Variants in MCPH1 observed in about 807,000 individuals in gnomAD.
MCPH1 encodes the protein microcephalin 1, also known as microcephalin.
In MCPH1, 104 loss-of-function variants were observed where a neutral mutation model predicts 84.5. The observed-to-expected ratio is 1.23, with a 90% CI of 1.05 to 1.45. The LOEUF is 1.45. Among genes scored for constraint, MCPH1 ranks in the 40% most tolerant of loss-of-function variants. The pLI, the probability that MCPH1 is intolerant of heterozygous loss-of-function variation, is 0.00. For synonymous variants in MCPH1, 514 were observed against 366.8 expected (o/e 1.40, Z -4.58); for missense variants, 1,498 against 1,005.7 (o/e 1.49, Z -6.62).
intron 12 of MCPH1, among the ~76,000 whole-genome samples, chr8:6,535,135 T>G (rs1352292397): frequency 6.6e-6 from 1 of 152,348 alleles, no homozygotes; most frequent in African/African-American, 2.4e-5. Flanking sequence ...AACCTCCTTC[T>G]TGATTTCAGT....
intron 3 of MCPH1, among the ~76,000 whole-genome samples, chr8:6,429,109 G>T (rs561435353): frequency 4.6e-5 from 7 of 152,308 alleles, no homozygotes; most frequent in African/African-American, 1.7e-4. Flanking sequence ...CAGTGTACAT[G>T]ATACATTTTG....
intron 12 of MCPH1, among the ~76,000 whole-genome samples, chr8:6,527,084 A>C (rs181601128): frequency 2.6e-5 from 4 of 152,340 alleles, no homozygotes; most frequent in Non-Finnish European, 5.9e-5. Flanking sequence ...CCCAAGGGCA[A>C]AGGATCTTGG....
chr8:6,580,754 A>G (rs1265486924), intron 12 of MCPH1, among the ~76,000 whole-genome samples: 1 of 152,208 alleles, frequency 6.6e-6, no homozygotes, highest in Non-Finnish European at 1.5e-5. Context: ...CAGGAGGCAG[A>G]AAGACTTCCC....
chr8:6,494,737 G>A (rs1439695852), intron 11 of MCPH1, among the ~76,000 whole-genome samples: 1 of 152,196 alleles, frequency 6.6e-6, no homozygotes, highest in Admixed American at 6.5e-5. Flanking sequence ...TACCAGGGAT[G>A]GAGGGGAGAG....
chr8:6,596,700 C>G (rs7844446), intron 12 of MCPH1, among the ~76,000 whole-genome samples: 1 of 152,086 alleles, frequency 6.6e-6, no homozygotes. Context: ...TTGCCGGAGA[C>G]CAGCACAGAT....
intron 12 of MCPH1, chr8:6,562,625 G>A (rs1300630295): frequency 1.6e-6 from 2 of 1,284,666 alleles, no homozygotes; most frequent in African/African-American, 3.4e-5. Context: ...TGTTCACAAA[G>A]ACAGATGGAT....
chr8:6,490,607 C>T lies in MCPH1; in HGVS notation c.2137-9245C>T, dbSNP rs145048803. Among the ~76,000 whole-genome samples, 363 of 152,158 alleles carry T rather than the reference C, an allele frequency of 2.4e-3. 4 individuals carry two copies. The highest frequency in any genetic ancestry group is 8.2e-3 in the African/African-American group (341 of 41,512). ...GTACTTTTTTCAAAGCTATATTTGA[C>T]GACATTGTACATTTTGCTACCTGAT... On this transcript the variant is annotated intron_variant, in intron 11 of 13. Coordinates refer to ENST00000344683, the MANE Select transcript of MCPH1 (RefSeq NM_024596.5).
intron 12 of MCPH1, among the ~76,000 whole-genome samples, chr8:6,540,843 GCACACGTGGACT>G (rs1821421164): frequency 6.6e-6 from 1 of 152,196 alleles, no homozygotes; most frequent in Non-Finnish European, 1.5e-5. Context: ...AGGGTGGTTC[GCACACGTGGACT>G]CAGGCGGCCA....
chr8:6,455,431 CAA>C (rs752304947), intron 9 of MCPH1, among the ~76,000 whole-genome samples, 179 bp downstream of exon 9: 8 of 152,264 alleles, frequency 5.3e-5, no homozygotes, highest in Non-Finnish European at 1.0e-4. Flanking sequence ...GCATTCCAGA[CAA>C]AGAGTTATTA....
chr8:6,532,237 T>C, intron 12 of MCPH1: 1 of 1,414,312 alleles, frequency 7.1e-7, no homozygotes, highest in Non-Finnish European at 9.8e-7. Flanking sequence ...GTGCTTTCTT[T>C]AGTTTCTCAT....
At chr8:6,504,120 C>A (rs1459373207) in intron 12 of MCPH1, among the ~76,000 whole-genome samples, 1 of 151,940 alleles carries the variant, frequency 6.6e-6, no homozygotes, top group Non-Finnish European at 1.5e-5. Context: ...AGACCGAGAC[C>A]ATCCTGGCTA....
intron 12 of MCPH1, among the ~76,000 whole-genome samples, chr8:6,580,210 C>A (rs377241114): frequency 6.6e-6 from 1 of 152,164 alleles, no homozygotes; most frequent in African/African-American, 2.4e-5. Flanking sequence ...CAGACCCCAG[C>A]CAACCAAAGG....
At chr8:6,470,835 G>A (rs1187011135) in intron 9 of MCPH1, among the ~76,000 whole-genome samples, 3 of 152,242 alleles carry the variant, frequency 2.0e-5, no homozygotes, top group Non-Finnish European at 4.4e-5. Context: ...TAAACTGAAG[G>A]AGTGTTGTCT....
chr8:6,609,928 G>C (rs1470830219), intron 12 of MCPH1, among the ~76,000 whole-genome samples: 1 of 147,638 alleles, frequency 6.8e-6, no homozygotes, highest in Non-Finnish European at 1.5e-5. Context: ...TTTTTTGTCT[G>C]GATAAGTTCT....
intron 6 of MCPH1, among the ~76,000 whole-genome samples, chr8:6,439,815 A>G (rs1305155673): frequency 6.6e-6 from 1 of 152,198 alleles, no homozygotes; most frequent in Non-Finnish European, 1.5e-5. Flanking sequence ...TGTAATTCAC[A>G]TTTTAATAAA....
At position 6,628,249 on chromosome 8, in the gene MCPH1, T is replaced by A. The variant is rs190222980; in HGVS notation, c.2452+6558T>A. Among the ~76,000 whole-genome samples, 109 of 152,106 alleles carry A rather than the reference T, an allele frequency of 7.2e-4. 2 individuals carry two copies. The East Asian group carries it at 0.021, about 29-fold the overall frequency. On this transcript the variant is annotated intron_variant, in intron 13 of 13. Transcript: ENST00000344683. ...ACTTTGGGAGGCCGAAGCGGGCGGA[T>A]CATGAGGTCAGGAGATCGAGACCAT...
chr8:6,471,811 C>T (rs1169524780), intron 9 of MCPH1, among the ~76,000 whole-genome samples: 1 of 152,232 alleles, frequency 6.6e-6, no homozygotes, highest in African/African-American at 2.4e-5. Context: ...GGCTCTAACA[C>T]AGCCCCCTCT....
chr8:6,608,603 C>T (rs937832824), intron 12 of MCPH1, among the ~76,000 whole-genome samples: 11 of 152,128 alleles, frequency 7.2e-5, no homozygotes, highest in Non-Finnish European at 1.5e-4. Context: ...TCTGAGCCTC[C>T]GTGATTCTCA....
At chr8:6,477,414 T>A in intron 9 of MCPH1, 180 bp from the exon 10 acceptor site, 4 of 590,574 alleles carry the variant, frequency 6.8e-6, no homozygotes, top group Admixed American at 3.1e-5. Flanking sequence ...AGTATCTGAG[T>A]TTCTATCTCT....
Sources: gnomAD v4.1 joint callset for allele counts (sites outside exome capture counted in the v4.1 genomes callset) on GRCh38, gnomAD v4.1.1 for gene constraint, MANE v1.5 for transcripts, NCBI Gene and HGNC (gene_info 2026-07-23, HGNC 2026-07-21) for gene names.